THTPA: variants seen among roughly 807,000 people sequenced by gnomAD.
THTPA encodes thiamine-triphosphatase.
A neutral mutation model predicts 16.5 loss-of-function variants in THTPA; 16 were observed. The observed-to-expected ratio is 0.97, with a 90% CI of 0.66 to 1.47. The LOEUF is 1.47. THTPA is among the 40% of genes most tolerant of loss of function. The pLI, the probability that THTPA is intolerant of heterozygous loss-of-function variation, is 0.00. For synonymous variants in THTPA, 110 were observed against 115.5 expected, an observed-to-expected ratio of 0.95 and a Z score of 0.30; for missense variants, 281 against 280.9, an observed-to-expected ratio of 1.00 and a Z score of 0.00.
At chr14:23,551,491 C>CT (rs755170580), upstream of THTPA, 2 of 151,232 alleles carry the variant, frequency 1.3e-5, no homozygotes, top group Non-Finnish European at 2.9e-5. This position sits in a 1 kb window ranked among gnomAD's most constrained non-coding sequence, Gnocchi z 5.3. Context: ...GCGCTCGCTC[C>CT]GGGGCGTCAG....
the THTPA span, among the ~76,000 whole-genome samples, chr14:23,516,310 G>C: frequency 6.6e-6 from 1 of 152,172 alleles, no homozygotes; most frequent in Non-Finnish European, 1.5e-5. Flanking sequence ...CTTGCCTTTT[G>C]CATCTGTCTT....
In THTPA at chr14:23,560,091, C is replaced by CT. The variant is rs946722490; in HGVS notation, c.*1251_*1252insT. On this transcript the variant is annotated 3_prime_UTR_variant, in exon 2 of 2. Coordinates refer to ENST00000288014, the MANE Select transcript of THTPA (RefSeq NM_024328.6). ...ATGGCAGTAGGTAGGGCTCAGGCAG[C>CT]CCCTCTATACTCAGTGGCTCCACAC... 2.1e-6 allele frequency: 3 copies of CT among 1,423,386 alleles called. No homozygotes were observed. In the African/African-American group the frequency reaches 4.2e-5, roughly 20 times the overall value. 88.2% of individuals were successfully genotyped at this position (1,423,386 alleles called of 1,614,324 possible).
the THTPA span, chr14:23,527,000 TCACCAC>T: frequency 6.8e-7 from 1 of 1,480,288 alleles, no homozygotes; most frequent in Admixed American, 2.3e-5. Context: ...CCTAGTGGCT[TCACCAC>T]CACCCCCCAC....
chr14:23,514,850 C>T, the THTPA span, among the ~76,000 whole-genome samples: 2 of 152,158 alleles, frequency 1.3e-5, no homozygotes, highest in African/African-American at 4.8e-5. Context: ...CCCTTAACAA[C>T]TGGGCTGAGT....
chr14:23,526,111 C>A, the THTPA span: 2 of 1,536,452 alleles, frequency 1.3e-6, no homozygotes. Flanking sequence ...TCTTGGTTCC[C>A]CGAGAGCGAG....
At chr14:23,523,779 C>A in the THTPA span, 1 of 1,536,264 alleles carries the variant, frequency 6.5e-7, no homozygotes, top group Admixed American at 2.0e-5. The surrounding 1 kb of genome is among the most constrained non-coding windows in gnomAD (Gnocchi z 4.1). Context: ...CCAGTCCCAC[C>A]TCCAGGTCCC....
chr14:23,531,499 C>A, the THTPA span: 4 of 1,435,276 alleles, frequency 2.8e-6, no homozygotes, highest in Admixed American at 9.4e-5. Context: ...CGGAGCTGCC[C>A]GTGGCTGAAG....
At chr14:23,511,826 G>C in the THTPA span, 1 of 152,102 alleles carries the variant, frequency 6.6e-6, no homozygotes, top group East Asian at 1.9e-4. Flanking sequence ...GGGGAAATGA[G>C]CTTGAAGACA....
rs920366661 is a variant in THTPA, at chr14:23,559,419, G to A, written c.*579G>A. 4 of 348,056 alleles carry A rather than the reference G, an allele frequency of 1.1e-5. No homozygotes were observed. Among genetic ancestry groups the A allele is most frequent in the Non-Finnish European group, 2.2e-5 (4 of 182,048 alleles). The allele number at this position is 348,056 out of a possible 1,614,324, so 21.6% of individuals were successfully genotyped here. ...CAAATTTGTTCCCTGACCTGGAGAGGGTTAGAAAGAACCAACAGCTGCCCC... is the reference window on the plus strand; with the variant it reads ...CAAATTTGTTCCCTGACCTGGAGAGAGTTAGAAAGAACCAACAGCTGCCCC... On this transcript the variant is annotated 3_prime_UTR_variant, in exon 2 of 2. Coordinates refer to ENST00000288014, the MANE Select transcript of THTPA (RefSeq NM_024328.6).
the THTPA span, chr14:23,534,915 C>T: frequency 1.3e-5 from 20 of 1,536,148 alleles, no homozygotes; most frequent in Admixed American, 3.7e-4. This position sits in a 1 kb window ranked among gnomAD's most constrained non-coding sequence, Gnocchi z 4.5. Context: ...CCTTTGGTAA[C>T]AGGAGTTCAC....
the THTPA span, among the ~76,000 whole-genome samples, chr14:23,520,218 C>A: frequency 6.6e-6 from 1 of 152,138 alleles, no homozygotes; most frequent in Non-Finnish European, 1.5e-5. This position sits in a 1 kb window ranked among gnomAD's most constrained non-coding sequence, Gnocchi z 8.7. Context: ...AGCTCTAGAA[C>A]CCCATGAGTC....
chr14:23,515,505 G>C, the THTPA span, among the ~76,000 whole-genome samples: 4 of 152,214 alleles, frequency 2.6e-5, no homozygotes. Context: ...GATAAGCAAT[G>C]ATCCCTGGTA....
the THTPA span, chr14:23,514,593 C>A: frequency 6.6e-6 from 1 of 152,454 alleles, no homozygotes; most frequent in Non-Finnish European, 1.5e-5. Context: ...CTTCGCCTCA[C>A]CCCGCTTTCA....
chr14:23,537,010 C>G, the THTPA span, among the ~76,000 whole-genome samples: 1 of 151,976 alleles, frequency 6.6e-6, no homozygotes, highest in African/African-American at 2.4e-5. Context: ...CGTGGTGGTG[C>G]ATGCCTGTAA....
the THTPA span, among the ~76,000 whole-genome samples, chr14:23,548,047 C>G: frequency 6.6e-6 from 1 of 152,298 alleles, no homozygotes; most frequent in South Asian, 2.1e-4. Context: ...TGAGTTTACA[C>G]TCACACAGCC....
the THTPA span, chr14:23,531,653 C>T: frequency 2.8e-5 from 43 of 1,510,184 alleles, no homozygotes; most frequent in East Asian, 1.7e-4. Flanking sequence ...GTGTCTCCCA[C>T]GCACACAACA....
chr14:23,529,649 G>A, the THTPA span: 1 of 1,419,048 alleles, frequency 7.0e-7, no homozygotes, highest in Admixed American at 2.0e-5. Flanking sequence ...TTTAGAATAT[G>A]AGCAGATCTC....
Position 23,556,918 on chromosome 14 carries a change from T to C in THTPA, c.161T>C (p.Leu54Pro), listed in dbSNP as rs771768469. The C allele has an allele frequency of 8.7e-6, 14 of 1,614,054 alleles. No homozygotes were observed. Among genetic ancestry groups the C allele is most frequent in the Non-Finnish European group, 1.2e-5 (14 of 1,179,958 alleles). ...ELSLMQADHWLRRREDSGWEL... is the reference protein window; with the variant it reads ...ELSLMQADHWPRRREDSGWEL... ...AGCCTCATGCAGGCTGACCACTGGC[T>C]GCGACGACGAGAGGATAGTGGATGG... The change falls in exon 1 of 2, where the codon CTG becomes CCG. Residue 54 changes from leucine (L) to proline (P), a missense_variant. By Grantham distance (98) the Leu-to-Pro change is moderately conservative. Transcript: ENST00000288014.
chr14:23,525,361 G>A, the THTPA span: 2 of 1,536,130 alleles, frequency 1.3e-6, no homozygotes, highest in Non-Finnish European at 1.7e-6. This position sits in a 1 kb window ranked among gnomAD's most constrained non-coding sequence, Gnocchi z 5.9. Context: ...CAAGGGGCGG[G>A]TATAGGCTGT....
Sources: allele counts gnomAD v4.1 joint callset (sites outside exome capture counted in the v4.1 genomes callset), GRCh38; gene constraint gnomAD v4.1.1; non-coding constraint Gnocchi (gnomAD v3.1); transcripts MANE v1.5; gene names NCBI Gene and HGNC (gene_info 2026-07-23, HGNC 2026-07-21).